The following RPL26L1 variants were observed in gnomAD, a reference collection of about 807,000 sequenced individuals.
RPL26L1 encodes the protein ribosomal protein uL24-like.
In RPL26L1, 8 loss-of-function variants were observed where a neutral mutation model predicts 15.2. The observed-to-expected ratio is 0.53, with a 90% confidence interval of 0.31 to 0.95. The LOEUF is 0.95. RPL26L1 is among the 40% of genes least tolerant of loss of function. The pLI is 0.05. For synonymous variants in RPL26L1, 51 were observed against 65.9 expected, an observed-to-expected ratio of 0.77 and a Z score of 1.09; for missense variants, 146 against 190.9, an observed-to-expected ratio of 0.76 and a Z score of 1.39.
chr5:172,959,318 A>AT, upstream of RPL26L1: 1 of 990,908 alleles, frequency 1.0e-6, no homozygotes, highest in Non-Finnish European at 1.2e-6. Context: ...GCCGCCAGGA[A>AT]TGAGGCACTG....
chr5:172,963,508 T>C (rs554702980), intron 2 of RPL26L1, among the ~76,000 whole-genome samples: 3 of 152,312 alleles, frequency 2.0e-5, no homozygotes, highest in South Asian at 4.1e-4. Context: ...TCTGGGGTCT[T>C]TAAATACACC....
At position 172,968,803 on chromosome 5, in the gene RPL26L1, C is replaced by CTTTTTTTTTTTT. The variant is rs539398008; in HGVS notation, c.309+216_309+227dup. 9.4e-5 allele frequency among the ~76,000 whole-genome samples: 7 copies of CTTTTTTTTTTTT among 74,366 alleles called. No homozygotes were observed. The East Asian group carries it at 1.4e-3, about 15-fold the overall frequency. 48.8% of individuals were successfully genotyped at this position (74,366 alleles called of 152,430 possible). A position where few individuals can be genotyped will look rare whatever the true frequency, so the allele number is the denominator to read the frequency against. ...TTGCCTTTCTTGGTGATGGCTGTGT[C>CTTTTTTTTTTTT]TTTTTTTTTTTTTTTTTTTTTTTGA... On this transcript the variant is annotated intron_variant, in intron 3 of 3. Transcript: ENST00000265100.
In RPL26L1 at chr5:172,962,690, C is replaced by T. The variant is rs568092943; in HGVS notation, c.168+2649C>T. ...AATTAGCTGAGCGTGGTGGTGGGCG[C>T]CTGTAGTCCCAACTACTTGGGAGGC... On this transcript the variant is annotated intron_variant, in intron 2 of 3. Coordinates refer to ENST00000265100, the MANE Select transcript of RPL26L1 (RefSeq NM_016093.4). Among the ~76,000 whole-genome samples the T allele has an allele frequency of 2.6e-5, 4 of 151,552 alleles. No individual in the cohort carries two copies. In the East Asian group the frequency reaches 5.8e-4, roughly 22 times the overall value.
chr5:172,957,510 CA>C, upstream of RPL26L1: 1 of 270,092 alleles, frequency 3.7e-6, no homozygotes, highest in Non-Finnish European at 7.5e-6. Flanking sequence ...ATGTAGGTAC[CA>C]AATAAATTGA....
Position 172,968,496 on chromosome 5 carries a change from A to G in RPL26L1, c.206A>G (p.Lys69Arg), listed in dbSNP as rs1482547293. 3 of 1,614,058 alleles carry G rather than the reference A, an allele frequency of 1.9e-6. No homozygotes were observed. In the African/African-American group the frequency reaches 4.0e-5, roughly 22 times the overall value. The part of the protein sequence containing the change: ...RGHYKGQQIG[K>R]VVQVYRKKYV... ...CACTACAAAGGTCAGCAAATTGGCA[A>G]GGTAGTCCAGGTGTACAGAAAGAAA... Residue 69 changes from lysine (K) to arginine (R), a missense_variant, in exon 3 of 4, where the codon AAG becomes AGG. Physicochemically the swap from Lys to Arg is conservative, Grantham distance 26. Coordinates refer to ENST00000265100, the MANE Select transcript of RPL26L1 (RefSeq NM_016093.4).
chr5:172,963,120 G>C (rs893643951), intron 2 of RPL26L1, among the ~76,000 whole-genome samples: 1 of 152,086 alleles, frequency 6.6e-6, no homozygotes, highest in African/African-American at 2.4e-5. Flanking sequence ...GCTCACGCCT[G>C]TAATCCCGAC....
chr5:172,956,957 G>T, upstream of RPL26L1: 1 of 247,066 alleles, frequency 4.0e-6, no homozygotes, highest in Non-Finnish European at 8.2e-6. Flanking sequence ...AAAAAATCCT[G>T]ACACCAAACC....
intron 2 of RPL26L1, among the ~76,000 whole-genome samples, chr5:172,963,690 G>A (rs1458332): frequency 0.66 from 100,272 of 152,042 alleles, 37,253 homozygotes; most frequent in Non-Finnish European, 0.82. Context: ...TTTTTTCTTC[G>A]TAGCAGTAAG....
chr5:172,964,108 A>AAT (rs10531007), intron 2 of RPL26L1, among the ~76,000 whole-genome samples: 11 of 151,246 alleles, frequency 7.3e-5, no homozygotes, highest in African/African-American at 1.9e-4. Context: ...GCTGCTGTTA[A>AAT]ATATATATAT....
upstream of RPL26L1, among the ~76,000 whole-genome samples, chr5:172,956,632 A>C (rs547810878): frequency 2.6e-5 from 4 of 152,288 alleles, no homozygotes; most frequent in East Asian, 7.7e-4. Flanking sequence ...TATTGTGCTA[A>C]GGGTTCATTT....
intron 3 of RPL26L1, 142 bp downstream of exon 3, chr5:172,968,741 C>A: frequency 1.5e-6 from 1 of 656,734 alleles, no homozygotes; most frequent in Non-Finnish European, 2.3e-6. Context: ...GTGATATCAT[C>A]AAGGATCCAG....
intron 2 of RPL26L1, 67 bp downstream of exon 2, chr5:172,960,108 TCA>T: frequency 6.4e-7 from 1 of 1,565,286 alleles, no homozygotes; most frequent in South Asian, 1.1e-5. Flanking sequence ...CGTGGAGCAG[TCA>T]CAGACTCACA....
At chr5:172,958,379 T>C (rs945357309), upstream of RPL26L1, 7 of 456,062 alleles carry the variant, frequency 1.5e-5, no homozygotes, top group Non-Finnish European at 3.1e-5. Context: ...TGCCTGGGTG[T>C]GGCTGCTGTA....
intron 2 of RPL26L1, among the ~76,000 whole-genome samples, chr5:172,964,565 C>T (rs1755378346): frequency 3.3e-5 from 5 of 152,162 alleles, no homozygotes; most frequent in South Asian, 4.1e-4. Flanking sequence ...GGATTACAGG[C>T]GTGAGCCACC....
At chr5:172,960,328 C>CTGG (rs1180707006) in intron 2 of RPL26L1, among the ~76,000 whole-genome samples, 1 of 152,138 alleles carries the variant, frequency 6.6e-6, no homozygotes, top group Non-Finnish European at 1.5e-5. Flanking sequence ...GTTGCCCAGG[C>CTGG]TGGTCTCTGA....
intron 2 of RPL26L1, among the ~76,000 whole-genome samples, chr5:172,960,527 T>C (rs1431151022): frequency 1.3e-5 from 2 of 152,276 alleles, no homozygotes; most frequent in Admixed American, 1.3e-4. Context: ...AGTAGTGTTT[T>C]AGTGTATTTG....
chr5:172,969,372 G>A, intron 3 of RPL26L1, 41 bp from the exon 4 acceptor site: 1 of 1,603,016 alleles, frequency 6.2e-7, no homozygotes, highest in East Asian at 2.2e-5. Flanking sequence ...AATAGCTGGT[G>A]GGGATGCAGA....
At chr5:172,954,787 G>C (rs963049056), upstream of RPL26L1, 1 of 385,114 alleles carries the variant, frequency 2.6e-6, no homozygotes, top group Non-Finnish European at 5.2e-6. Context: ...CAACATTTAA[G>C]GGATGGATGC....
chr5:172,957,838 G>A (rs1312005711), upstream of RPL26L1: 1 of 164,634 alleles, frequency 6.1e-6, no homozygotes, highest in African/African-American at 2.4e-5. Flanking sequence ...GCACAGCTGG[G>A]TGGCCCTTCA....
Sources: gnomAD v4.1 joint callset for allele counts (sites outside exome capture counted in the v4.1 genomes callset) on GRCh38, gnomAD v4.1.1 for gene constraint, MANE v1.5 for transcripts, NCBI Gene and HGNC (gene_info 2026-07-23, HGNC 2026-07-21) for gene names.